The following TMEFF2 variants were observed in gnomAD, a reference collection of about 807,000 sequenced individuals.
TMEFF2 encodes transmembrane protein with EGF like and two follistatin like domains 2.
In TMEFF2, 28 loss-of-function variants were observed where a neutral mutation model predicts 53.8. The ratio of observed to expected loss-of-function variants is 0.52; its 90% CI spans 0.39 to 0.71. TMEFF2 has a LOEUF of 0.71. Ranked by LOEUF, TMEFF2 falls within the 30% of genes least tolerant of loss-of-function variation. TMEFF2 has a pLI of 0.00. For synonymous variants in TMEFF2, 162 were observed against 166.3 expected, an observed-to-expected ratio of 0.97 and a Z score of 0.20; for missense variants, 353 against 455.2, an observed-to-expected ratio of 0.78 and a Z score of 2.04.
chr2:191,972,435 T>A (rs1301307307), intron 7 of TMEFF2, among the ~76,000 whole-genome samples: 2 of 151,054 alleles, frequency 1.3e-5, no homozygotes, highest in African/African-American at 4.9e-5. Flanking sequence ...AGGGTTGGGA[T>A]TACAGGCATG....
intron 4 of TMEFF2, among the ~76,000 whole-genome samples, chr2:192,086,719 T>C (rs1482858061): frequency 6.6e-6 from 1 of 152,120 alleles, no homozygotes; most frequent in Non-Finnish European, 1.5e-5. Flanking sequence ...CAACCTTAAG[T>C]TCACACGTCT....
At chr2:192,022,372 T>C (rs568483833) in intron 5 of TMEFF2, among the ~76,000 whole-genome samples, 3 of 152,348 alleles carry the variant, frequency 2.0e-5, no homozygotes, top group East Asian at 1.9e-4. Context: ...TTGACTCACA[T>C]TCAACTTTTC....
chr2:192,149,623 T>A (rs1444853652), intron 4 of TMEFF2, among the ~76,000 whole-genome samples: 3 of 151,966 alleles, frequency 2.0e-5, no homozygotes, highest in African/African-American at 7.2e-5. Context: ...AAACTTAGTT[T>A]GTGAATTTTT....
At chr2:192,184,524 G>A in intron 2 of TMEFF2, 41 bp from the exon 3 acceptor site, 1 of 1,608,998 alleles carries the variant, frequency 6.2e-7, no homozygotes, top group South Asian at 1.1e-5. Context: ...TAGTACTGGA[G>A]ATTGTATCCC....
chr2:191,960,042 T>C (rs1333528605), intron 7 of TMEFF2, among the ~76,000 whole-genome samples: 1 of 152,060 alleles, frequency 6.6e-6, no homozygotes, highest in Admixed American at 6.6e-5. Context: ...AGCTAACTTT[T>C]TGTATTTTTT....
chr2:191,999,077 G>A lies in TMEFF2; in HGVS notation c.668C>T (p.Ser223Phe). 6.2e-7 allele frequency: 1 copy of A among 1,610,190 alleles called. No individual in the cohort carries two copies. The highest frequency in any genetic ancestry group is 8.5e-7 in the Non-Finnish European group (1 of 1,177,390). The change falls in exon 6 of 10, where the codon TCT (serine) becomes TTT (phenylalanine). Residue 223 changes from serine (S) to phenylalanine (F), a missense_variant. Transcript: ENST00000272771. Reference protein sequence around the residue: ...CQKQEKIEVMSLGRCQDNTTT... With the variant: ...CQKQEKIEVMFLGRCQDNTTT... ...AACATTACCTTGACATCGACCCAAA[G>A]ACATGACTTCAATTTTCTCCTGTTT...
chr2:192,031,211 A>T (rs1035570472), intron 5 of TMEFF2: 4 of 152,148 alleles, frequency 2.6e-5, no homozygotes, highest in Admixed American at 6.5e-5. Context: ...CTTCTACACT[A>T]TTTTTTTACC....
chr2:192,164,978 C>CTGTG (rs71033662), intron 4 of TMEFF2, among the ~76,000 whole-genome samples: 14,535 of 145,092 alleles, frequency 0.1, 978 homozygotes, highest in African/African-American at 0.2. Flanking sequence ...TGAATAAAAA[C>CTGTG]TGTGTGTGTG....
chr2:192,111,192 G>A (rs1466182040), intron 4 of TMEFF2, among the ~76,000 whole-genome samples: 1 of 152,170 alleles, frequency 6.6e-6, no homozygotes, highest in Non-Finnish European at 1.5e-5. Flanking sequence ...GTGACAGGCA[G>A]AGGTTGGAAC....
In TMEFF2 at chr2:192,083,633, G is replaced by A. The variant is rs116430519; in HGVS notation, c.440-25858C>T. Among the ~76,000 whole-genome samples, 501 of 151,594 alleles carry A rather than the reference G, an allele frequency of 3.3e-3. 2 individuals are homozygous for A. The highest frequency in any genetic ancestry group is 0.011 in the African/African-American group (469 of 41,266). ...AGTAGAAAAAAATCCTCTACATAGC[G>A]GTTACCATATGTAGTATTTAGACAG... On this transcript the variant is annotated intron_variant, in intron 4 of 9. Transcript: ENST00000272771.
intron 5 of TMEFF2, chr2:192,037,893 A>G (rs1256981570): frequency 1.3e-5 from 2 of 152,200 alleles, no homozygotes; most frequent in African/African-American, 2.4e-5. Context: ...TGAAAAGGAC[A>G]TGGACCTTGG....
intron 4 of TMEFF2, among the ~76,000 whole-genome samples, 169 bp from the exon 5 acceptor site, chr2:192,057,944 A>G (rs1687951601): frequency 6.6e-6 from 1 of 152,176 alleles, no homozygotes; most frequent in Non-Finnish European, 1.5e-5. Flanking sequence ...TTTAAAGACA[A>G]CTCTAACAAT....
chr2:191,998,264 G>A lies in TMEFF2; in HGVS notation c.743C>T (p.Ala248Val). ...TTGTAGAAGAAAATATTATGTACCT[G>A]CATAATCTGTTCTTGCATAATGCCC... ...EDGHYARTDY[A>V]ENANKLEESA... Residue 248 changes from alanine to valine, a missense_variant and splice_region_variant, in exon 7 of 10, where the codon GCA (alanine) becomes GTA (valine). Ala to Val is a moderately conservative substitution (Grantham distance 64). Around this residue, in one of 3 missense-constraint regions of TMEFF2, gnomAD observed 294 missense variants for 397.3 expected, o/e 0.74. Coordinates refer to ENST00000272771, the MANE Select transcript of TMEFF2 (RefSeq NM_016192.4). 6.3e-7 allele frequency: 1 copy of A among 1,594,716 alleles called. No homozygotes were observed. The highest frequency in any genetic ancestry group is 8.5e-7 in the Non-Finnish European group (1 of 1,169,864).
intron 4 of TMEFF2, among the ~76,000 whole-genome samples, chr2:192,103,012 T>C (rs530292494): frequency 4.6e-5 from 7 of 152,192 alleles, no homozygotes; most frequent in African/African-American, 1.7e-4. Context: ...CCCAAAAACT[T>C]TGGGTCACTC....
intron 5 of TMEFF2, among the ~76,000 whole-genome samples, chr2:192,039,356 A>G (rs969565976): frequency 1.3e-5 from 2 of 152,232 alleles, no homozygotes; most frequent in African/African-American, 4.8e-5. Context: ...TTCTAAACCC[A>G]TAATTATAAT....
chr2:192,051,475 C>A (rs1687769550), intron 5 of TMEFF2, among the ~76,000 whole-genome samples: 1 of 152,128 alleles, frequency 6.6e-6, no homozygotes, highest in Non-Finnish European at 1.5e-5. Context: ...TTGCAGTTTC[C>A]ATTTTAAATA....
intron 4 of TMEFF2, among the ~76,000 whole-genome samples, chr2:192,172,099 T>C (rs73984907): frequency 6.6e-6 from 1 of 151,854 alleles, no homozygotes; most frequent in Admixed American, 6.6e-5. Flanking sequence ...TGCTCACATC[T>C]ATGGTGATTA....
chr2:192,151,578 A>G (rs1690389980), intron 4 of TMEFF2, among the ~76,000 whole-genome samples: 2 of 151,984 alleles, frequency 1.3e-5, no homozygotes, highest in South Asian at 4.1e-4. Flanking sequence ...ACCAGTGACT[A>G]TCAAGAGCGT....
At chr2:192,083,806 C>T (rs1402718936) in intron 4 of TMEFF2, among the ~76,000 whole-genome samples, 2 of 151,522 alleles carry the variant, frequency 1.3e-5, no homozygotes, top group Admixed American at 6.6e-5. Flanking sequence ...AAATGTCTGT[C>T]TCCAATTCTA....
Sources: gnomAD v4.1 joint callset for allele counts (sites outside exome capture counted in the v4.1 genomes callset) on GRCh38, gnomAD v4.1.1 for gene constraint, gnomAD v4.1.1 regional missense constraint, MANE v1.5 for transcripts, NCBI Gene and HGNC (gene_info 2026-07-23, HGNC 2026-07-21) for gene names.